The following PRR12 variants were observed in gnomAD, a reference collection of about 807,000 sequenced individuals.
PRR12 encodes the protein proline-rich protein 12.
Under a neutral mutation model 138.0 loss-of-function variants are expected in PRR12, and 12 were observed. That is an observed-to-expected ratio of 0.09 (90% CI 0.06 to 0.14). The LOEUF is 0.14. Among genes scored for constraint, PRR12 ranks in the 10% least tolerant of loss-of-function variants. The probability of loss-of-function intolerance (pLI) is 1.00; values close to 1 mark genes in which losing one functional copy is unlikely to be tolerated. For missense variants in PRR12, 2,692 were observed against 2,861.3 expected, an observed-to-expected ratio of 0.94 and a Z score of 1.35; for synonymous variants, 1,567 against 1,291.7, an observed-to-expected ratio of 1.21 and a Z score of -4.57.
intron 6 of PRR12, among the ~76,000 whole-genome samples, chr19:49,607,094 G>C (rs143308297): frequency 1.3e-5 from 2 of 151,590 alleles, no homozygotes; most frequent in African/African-American, 4.8e-5. Context: ...AGGAGTTGCA[G>C]ACCAGGCTGG....
intron 6 of PRR12, 47 bp downstream of exon 6, chr19:49,601,965 C>G: frequency 6.3e-7 from 1 of 1,584,132 alleles, no homozygotes; most frequent in Non-Finnish European, 8.6e-7. Context: ...GGTTTGGTCA[C>G]CTGTTTGTTG....
In PRR12 at chr19:49,616,851, G is replaced by A. The variant is rs542151154; in HGVS notation, c.5497+632G>A. Among the ~76,000 whole-genome samples, 28 of 152,288 alleles carry A rather than the reference G, an allele frequency of 1.8e-4. No homozygotes were observed. Among genetic ancestry groups the A allele is most frequent in the African/African-American group, 6.0e-4 (25 of 41,548 alleles). ...GCTTATGATGATGTCTGGTTAGGCC[G>A]GGCACAGTGGCTCGCGCCTGTAATC... is the stretch of plus-strand genomic sequence containing the variant. On this transcript the variant is annotated intron_variant, in intron 9 of 13. Coordinates refer to ENST00000418929, the MANE Select transcript of PRR12 (RefSeq NM_020719.3). The surrounding 1 kb of genome is among the most constrained non-coding windows in gnomAD (Gnocchi z 4.2).
intron 6 of PRR12, among the ~76,000 whole-genome samples, chr19:49,607,360 T>C (rs531382175): frequency 0.029 from 3,943 of 136,350 alleles, 174 homozygotes; most frequent in African/African-American, 0.1. Flanking sequence ...CATGTACGTG[T>C]GCACACACAC....
Position 49,597,428 on chromosome 19 carries a change from G to C in PRR12, c.3093G>C (p.Gln1031His). The C allele has an allele frequency of 6.5e-7, 1 of 1,538,370 alleles. No individual in the cohort carries two copies. Among genetic ancestry groups the C allele is most frequent in the Non-Finnish European group, 8.7e-7 (1 of 1,145,902 alleles). The change falls in exon 4 of 14, where the codon CAG becomes CAC. Residue 1031 changes from glutamine to histidine, a missense_variant. By Grantham distance (24) the Gln-to-His change is conservative. This residue lies in a region of PRR12 where 840 missense variants were observed against 689.8 expected (regional missense o/e 1.22). Transcript: ENST00000418929. The surrounding 1 kb of genome is among the most constrained non-coding windows in gnomAD (Gnocchi z 6.3). ...ACGCCGAGCCGCTGGGCCTGATCCA[G>C]AGTGGCCCCCACCAGGCGGCGCCAC... Reference protein sequence around the residue: ...TVNAEPLGLIQSGPHQAAPPP... With the variant: ...TVNAEPLGLIHSGPHQAAPPP...
intron 6 of PRR12, among the ~76,000 whole-genome samples, chr19:49,613,181 T>G (rs915770980): frequency 3.0e-4 from 45 of 151,390 alleles, no homozygotes; most frequent in African/African-American, 1.0e-3. Flanking sequence ...CTACTAAAAA[T>G]ACAAAAATTA....
In PRR12 at chr19:49,601,716, C is replaced by T. The variant is rs895136186; in HGVS notation, c.4571C>T (p.Ala1524Val). Residue 1524 changes from alanine to valine, a missense_variant, in exon 6 of 14, where the codon GCT becomes GTT. By Grantham distance (64) the Ala-to-Val change is moderately conservative. Around this residue, in one of 11 missense-constraint regions of PRR12, gnomAD observed 231 missense variants for 200.8 expected, o/e 1.15. Transcript: ENST00000418929. Reference sequence around the variant, plus strand: ...CCCCCACCAGCCGCTGCCCCACTGGCTGCTCCTCCTGAGGAGCCCGCCGCC... The same window carrying T: ...CCCCCACCAGCCGCTGCCCCACTGGTTGCTCCTCCTGAGGAGCCCGCCGCC... Reference protein sequence around the residue: ...PPPPPAAAPLAAPPEEPAAPS... With the variant: ...PPPPPAAAPLVAPPEEPAAPS... 48 of 1,543,144 alleles carry T rather than the reference C, an allele frequency of 3.1e-5. 1 individual carries two copies. The African/African-American group carries it at 5.3e-4, about 17-fold the overall frequency.
intron 8 of PRR12, 42 bp from the exon 9 acceptor site, chr19:49,615,705 T>C (rs1206969782): frequency 6.5e-6 from 10 of 1,541,554 alleles, no homozygotes; most frequent in East Asian, 4.6e-5. Flanking sequence ...ATTTGGATTA[T>C]TGGGGGCTGC....
intron 9 of PRR12, among the ~76,000 whole-genome samples, chr19:49,618,633 C>G (rs1023900535): frequency 6.6e-6 from 1 of 152,110 alleles, no homozygotes; most frequent in African/African-American, 2.4e-5. Context: ...AGGCGATCCT[C>G]TCGCCTCAGT....
chr19:49,611,017 A>G (rs2080863227), intron 6 of PRR12, among the ~76,000 whole-genome samples: 1 of 146,082 alleles, frequency 6.8e-6, no homozygotes. Flanking sequence ...TAATTTTTGT[A>G]TTTTTGTAGA....
At position 49,597,688 on chromosome 19, in the gene PRR12, C is replaced by T. The variant is rs1300030735; in HGVS notation, c.3353C>T (p.Pro1118Leu). Residue 1118 changes from proline to leucine, a missense_variant, in exon 4 of 14, where the codon CCC becomes CTC. Pro to Leu is a moderately conservative substitution (Grantham distance 98, BLOSUM62 -3). Coordinates refer to ENST00000418929, the MANE Select transcript of PRR12 (RefSeq NM_020719.3). The surrounding 1 kb of genome is among the most constrained non-coding windows in gnomAD (Gnocchi z 6.3). Reference sequence around the variant, plus strand: ...GTTCCCGCCGACATCCGCCTCAACCCCCGGCGCTTGCCTGACCTGGTCTCC... The same window carrying T: ...GTTCCCGCCGACATCCGCCTCAACCTCCGGCGCTTGCCTGACCTGGTCTCC... Reference protein sequence around the residue: ...ADVPADIRLNPRRLPDLVSSC... With the variant: ...ADVPADIRLNLRRLPDLVSSC... 6.2e-7 allele frequency: 1 copy of T among 1,606,570 alleles called. No individual in the cohort carries two copies. The highest frequency in any genetic ancestry group is 1.1e-5 in the South Asian group (1 of 89,664).
chr19:49,597,352 CGGGCCT>C lies in PRR12; in HGVS notation c.3026_3031del (p.Gly1009_Leu1010del). The C allele has an allele frequency of 1.9e-6, 3 of 1,539,718 alleles. No homozygotes were observed. The South Asian group carries it at 3.6e-5, about 18-fold the overall frequency. On this transcript the variant is annotated inframe_deletion, in exon 4 of 14. Coordinates refer to ENST00000418929, the MANE Select transcript of PRR12 (RefSeq NM_020719.3). This position sits in a 1 kb window ranked among gnomAD's most constrained non-coding sequence, Gnocchi z 6.3. ...GCGTCGGGAGCCGGGCCCGAGACAC[CGGGCCT>C]GGGCCTGGACCCCAACAAACCGCCT...
At chr19:49,603,167 T>G (rs376042745) in intron 6 of PRR12, among the ~76,000 whole-genome samples, 1 of 152,218 alleles carries the variant, frequency 6.6e-6, no homozygotes, top group Non-Finnish European at 1.5e-5. Context: ...ACTGGACAAA[T>G]AGAGTTGGAT....
rs2080748127 is a variant in PRR12 at position 49,594,143 on chromosome 19, C to G, written c.200-311C>G. ...GTCTCCCTCCCAGCCTTACTGAGGACTCTGTTCTTTTGCTCCTGGCTCTTT... is the reference window on the plus strand; with the variant it reads ...GTCTCCCTCCCAGCCTTACTGAGGAGTCTGTTCTTTTGCTCCTGGCTCTTT... On this transcript the variant is annotated intron_variant, in intron 2 of 13. Transcript: ENST00000418929. This position sits in a 1 kb window ranked among gnomAD's most constrained non-coding sequence, Gnocchi z 5.6. Among the ~76,000 whole-genome samples the G allele has an allele frequency of 6.6e-6, 1 of 152,182 alleles. No individual in the cohort carries two copies. Among genetic ancestry groups the G allele is most frequent in the Admixed American group, 6.5e-5 (1 of 15,282 alleles).
intron 6 of PRR12, among the ~76,000 whole-genome samples, chr19:49,607,713 G>GA (rs1171813856): frequency 8.8e-4 from 102 of 115,408 alleles, no homozygotes; most frequent in Non-Finnish European, 8.1e-4. Flanking sequence ...GTCTCAAAAA[G>GA]AAAAAAAAAA....
At chr19:49,622,594 A>G (rs2080928987) in intron 11 of PRR12, among the ~76,000 whole-genome samples, 2 of 114,438 alleles carry the variant, frequency 1.7e-5, no homozygotes, top group South Asian at 6.3e-4. Context: ...TGTCTCCAAA[A>G]AAGAAAAAAA....
chr19:49,615,942 G>C lies in PRR12; in HGVS notation c.5220G>C (p.Lys1740Asn). 5 of 1,554,462 alleles carry C rather than the reference G, an allele frequency of 3.2e-6. No individual in the cohort carries two copies. Among genetic ancestry groups the C allele is most frequent in the Non-Finnish European group, 4.4e-6 (5 of 1,148,628 alleles). Reference sequence around the variant, plus strand: ...CCTCCCTCCTGCGGCCTGTTGAGAAGGAAAAGGAGAAGGAGAAGGTGACAC... The same window carrying C: ...CCTCCCTCCTGCGGCCTGTTGAGAACGAAAAGGAGAAGGAGAAGGTGACAC... ...EKPSLLRPVE[K>N]EKEKEKVTRG... Residue 1740 changes from lysine to asparagine, a missense_variant, in exon 9 of 14, where the codon AAG (lysine) becomes AAC (asparagine). Physicochemically the swap from Lys to Asn is moderately conservative, Grantham distance 94. Transcript: ENST00000418929.
In PRR12 at chr19:49,601,650, C is replaced by T. The variant is rs777596820; in HGVS notation, c.4505C>T (p.Pro1502Leu). The T allele has an allele frequency of 3.8e-5, 59 of 1,538,070 alleles. No homozygotes were observed. In the South Asian group the frequency reaches 5.0e-4, roughly 13 times the overall value. Residue 1502 changes from proline to leucine, a missense_variant, in exon 6 of 14, where the codon CCG (proline) becomes CTG (leucine). Around this residue, in one of 11 missense-constraint regions of PRR12, gnomAD observed 231 missense variants for 200.8 expected, o/e 1.15. Coordinates refer to ENST00000418929, the MANE Select transcript of PRR12 (RefSeq NM_020719.3). ...TPSSPPPPPL[P>L]PPPPPAMPSP... ...AGCTCACCACCGCCACCGCCGCTGC[C>T]GCCGCCACCTCCACCAGCCATGCCC...
At chr19:49,602,316 G>A (rs1375335681) in intron 6 of PRR12, among the ~76,000 whole-genome samples, 3 of 152,082 alleles carry the variant, frequency 2.0e-5, no homozygotes, top group Admixed American at 6.6e-5. Flanking sequence ...CCAGAGAGGC[G>A]GGCTGCTTTG....
In PRR12 at chr19:49,615,598, C is replaced by G. The variant is rs912957726; in HGVS notation, c.5025-149C>G. ...TCCCAGAGAGGGAGGGGGTCAGAGT[C>G]CCAGAGAGGGAGGGGAACAGAGACC... On this transcript the variant is annotated intron_variant, in intron 8 of 13. Coordinates refer to ENST00000418929, the MANE Select transcript of PRR12 (RefSeq NM_020719.3). 4 of 687,290 alleles carry G rather than the reference C, an allele frequency of 5.8e-6. No individual in the cohort carries two copies. In the African/African-American group the frequency reaches 7.4e-5, roughly 13 times the overall value. 42.6% of individuals were successfully genotyped at this position (687,290 alleles called of 1,614,324 possible).
Sources: gnomAD v4.1 joint callset for allele counts (sites outside exome capture counted in the v4.1 genomes callset) on GRCh38, gnomAD v4.1.1 for gene constraint, gnomAD v4.1.1 regional missense constraint, Gnocchi (gnomAD v3.1) non-coding constraint, MANE v1.5 for transcripts, NCBI Gene and HGNC (gene_info 2026-07-23, HGNC 2026-07-21) for gene names.